Variants in COL27A1 observed in about 807,000 individuals in gnomAD.
COL27A1 encodes the protein collagen alpha-1(XXVII) chain.
COL27A1 carries 106 observed loss-of-function variants against 251.3 expected under a neutral mutation model. The observed-to-expected ratio is 0.42, with a 90% CI of 0.36 to 0.50. The LOEUF (loss-of-function observed/expected upper bound fraction) is 0.50, where lower values mean the gene tolerates loss of function less well. Ranked by LOEUF, COL27A1 falls within the 20% of genes least tolerant of loss-of-function variation. COL27A1 has a pLI of 0.00. For missense variants in COL27A1, 2,325 were observed against 2,522.8 expected, an observed-to-expected ratio of 0.92 and a Z score of 1.68; for synonymous variants, 1,000 against 986.3, an observed-to-expected ratio of 1.01 and a Z score of -0.26.
At chr9:114,196,309 C>T (rs1034666241) in intron 7 of COL27A1, among the ~76,000 whole-genome samples, 2 of 152,220 alleles carry the variant, frequency 1.3e-5, no homozygotes, top group African/African-American at 4.8e-5. Context: ...AGGCCACCTT[C>T]AAGAAAGCCT....
At chr9:114,221,423 A>G (rs931906681) in intron 13 of COL27A1, among the ~76,000 whole-genome samples, 1 of 152,210 alleles carries the variant, frequency 6.6e-6, no homozygotes. Context: ...TGCTGCTGGC[A>G]TAGAGGAACA....
chr9:114,266,464 T>A, intron 32 of COL27A1, 101 bp from the exon 33 acceptor site: 1 of 923,490 alleles, frequency 1.1e-6, no homozygotes, highest in African/African-American at 1.6e-5. Flanking sequence ...TGCTTCAGAG[T>A]CCCCAGTTCT....
rs377686014 is a variant in COL27A1, at chr9:114,167,983, G to A, written c.428G>A (p.Arg143His). The A allele has an allele frequency of 4.1e-4, 652 of 1,605,270 alleles. 1 individual carries two copies. The highest frequency in any genetic ancestry group is 5.1e-4 in the Non-Finnish European group (596 of 1,179,836). The change falls in exon 3 of 61, where the codon CGC becomes CAC. Residue 143 changes from arginine to histidine, a missense_variant. By Grantham distance (29) the Arg-to-His change is conservative. Coordinates refer to ENST00000356083, the MANE Select transcript of COL27A1 (RefSeq NM_032888.4). ...ACGGTCGTCCACCTCGGGTCCCGGC[G>A]CTCAGTGGCCTTCGACCTCGACATG... ...GKTVVHLGSR[R>H]SVAFDLDMHD...
At position 114,169,451 on chromosome 9, in the gene COL27A1, CTG is replaced by C. The variant is rs1849156635; in HGVS notation, c.1899_1900del (p.Cys633TrpfsTer59). Reference sequence around the variant, plus strand: ...TGGGGCCTCCGGGACCCAAGGGAGACTGTGGCTTGCCGGTAAGACTGAGTGGG... The same window carrying C: ...TGGGGCCTCCGGGACCCAAGGGAGACTGGCTTGCCGGTAAGACTGAGTGGG... ...LMGPPGPKGD[C>X]GLPGPPGLPG... On this transcript the variant is annotated frameshift_variant, in exon 3 of 61. Transcript: ENST00000356083. LOFTEE classifies it high-confidence loss of function. 1.3e-6 allele frequency: 2 copies of C among 1,536,858 alleles called. No homozygotes were observed. The highest frequency in any genetic ancestry group is 1.7e-6 in the Non-Finnish European group (2 of 1,144,330).
intron 7 of COL27A1, among the ~76,000 whole-genome samples, chr9:114,201,877 G>C (rs1198944196): frequency 6.6e-6 from 1 of 152,190 alleles, no homozygotes; most frequent in Non-Finnish European, 1.5e-5. Context: ...GCCTCAATGA[G>C]CATGTTTCAT....
At chr9:114,246,121 A>T (rs1006497159) in intron 24 of COL27A1, 2 of 509,390 alleles carry the variant, frequency 3.9e-6, no homozygotes, top group Admixed American at 4.3e-5. Context: ...GATCATAGTC[A>T]CGACAGCTTT....
intron 3 of COL27A1, among the ~76,000 whole-genome samples, chr9:114,173,366 G>T (rs1849460689): frequency 6.6e-6 from 1 of 152,218 alleles, no homozygotes; most frequent in Non-Finnish European, 1.5e-5. Context: ...ATGAACAAAA[G>T]AATTTGATCC....
At chr9:114,190,720 G>GC (rs1385906880) in intron 5 of COL27A1, among the ~76,000 whole-genome samples, 3 of 152,126 alleles carry the variant, frequency 2.0e-5, no homozygotes, top group African/African-American at 4.8e-5. Context: ...GGCACTTAAG[G>GC]CTCCCATCTG....
chr9:114,206,293 C>T lies in COL27A1; in HGVS notation c.2265C>T (p.Ser755=). ...GPVGDPGPKG[S]RGYIGLPGLF... Reference sequence around the variant, plus strand: ...TAGGAGATCCCGGCCCCAAAGGCAGCAGGGTAAGTGGTTCCTGGCCAGTGC... The same window carrying T: ...TAGGAGATCCCGGCCCCAAAGGCAGTAGGGTAAGTGGTTCCTGGCCAGTGC... Residue 755 remains serine (S), a synonymous_variant, in exon 10 of 61, where the codon AGC becomes AGT. Coordinates refer to ENST00000356083, the MANE Select transcript of COL27A1 (RefSeq NM_032888.4). 1 of 1,614,114 alleles carries T rather than the reference C, an allele frequency of 6.2e-7. No homozygotes were observed. Among genetic ancestry groups the T allele is most frequent in the Non-Finnish European group, 8.5e-7 (1 of 1,179,960 alleles).
chr9:114,309,569 T>C, intron 60 of COL27A1, 91 bp downstream of exon 60: 2 of 904,156 alleles, frequency 2.2e-6, no homozygotes, highest in Non-Finnish European at 1.7e-6. Flanking sequence ...TAAGATTATA[T>C]CTAACATTTT....
At chr9:114,170,175 C>T (rs542008830) in intron 3 of COL27A1, among the ~76,000 whole-genome samples, 1 of 152,300 alleles carries the variant, frequency 6.6e-6, no homozygotes, top group East Asian at 1.9e-4. Flanking sequence ...TACCTGCCTG[C>T]CTGGCACCTG....
intron 22 of COL27A1, 147 bp from the exon 23 acceptor site, chr9:114,243,360 G>A (rs1832895974): frequency 1.5e-6 from 1 of 646,962 alleles, no homozygotes; most frequent in East Asian, 3.0e-5. Context: ...CTGGCCACCT[G>A]GTGGACTCAG....
At chr9:114,208,104 G>C (rs970584436) in intron 10 of COL27A1, among the ~76,000 whole-genome samples, 1 of 152,156 alleles carries the variant, frequency 6.6e-6, no homozygotes, top group Admixed American at 6.5e-5. Flanking sequence ...TCACCCCTCT[G>C]GGCCTAAATG....
chr9:114,267,379 C>A, intron 33 of COL27A1, 125 bp from the exon 34 acceptor site: 1 of 723,202 alleles, frequency 1.4e-6, no homozygotes, highest in Admixed American at 3.5e-5. Flanking sequence ...CTGCTCCCAC[C>A]TCTGCATCTC....
At chr9:114,254,052 A>G (rs1833757832) in intron 27 of COL27A1, among the ~76,000 whole-genome samples, 1 of 152,116 alleles carries the variant, frequency 6.6e-6, no homozygotes, top group African/African-American at 2.4e-5. Flanking sequence ...TGGCAGTTCC[A>G]GGAGCTGGGG....
In COL27A1 at chr9:114,290,206, T is replaced by G; in HGVS notation, c.4261-18T>G. 1 of 1,541,394 alleles carries G rather than the reference T, an allele frequency of 6.5e-7. No homozygotes were observed. The highest frequency in any genetic ancestry group is 1.7e-4 in the Middle Eastern group (1 of 5,784). ...CCCTGCACCAAATGCCCTCACCAGC[T>G]TTTTATGTACCCCCCAGGGCCTGCA... is the stretch of plus-strand genomic sequence containing the variant. On this transcript the variant is annotated intron_variant, in intron 46 of 60. Coordinates refer to ENST00000356083, the MANE Select transcript of COL27A1 (RefSeq NM_032888.4). This position sits in a 1 kb window ranked among gnomAD's most constrained non-coding sequence, Gnocchi z 4.6.
At chr9:114,222,158 C>A in intron 13 of COL27A1, 65 bp from the exon 14 acceptor site, 1 of 1,437,296 alleles carries the variant, frequency 7.0e-7, no homozygotes, top group South Asian at 1.1e-5. Context: ...TGGAGGATGA[C>A]ATGGAGGGAG....
chr9:114,262,391 G>A (rs1834406709), intron 28 of COL27A1, among the ~76,000 whole-genome samples: 1 of 152,228 alleles, frequency 6.6e-6, no homozygotes, highest in Non-Finnish European at 1.5e-5. Flanking sequence ...TCAAACTGCA[G>A]CTTGAATCTG....
At chr9:114,219,007 AG>A (rs993476593) in intron 12 of COL27A1, among the ~76,000 whole-genome samples, 1 of 151,480 alleles carries the variant, frequency 6.6e-6, no homozygotes, top group Non-Finnish European at 1.5e-5. Context: ...GAATTCAAGG[AG>A]GGGAGGAGAA....
Sources: gnomAD v4.1 joint callset for allele counts (sites outside exome capture counted in the v4.1 genomes callset) on GRCh38, gnomAD v4.1.1 for gene constraint, Gnocchi (gnomAD v3.1) non-coding constraint, MANE v1.5 for transcripts, NCBI Gene and HGNC (gene_info 2026-07-23, HGNC 2026-07-21) for gene names.